The following LAMB1 variants were observed in gnomAD, a reference collection of about 807,000 sequenced individuals.
LAMB1 encodes laminin subunit beta-1.
LAMB1 carries 121 observed loss-of-function variants against 222.3 expected under a neutral mutation model. The observed-to-expected ratio is 0.54, with a 90% confidence interval of 0.47 to 0.63. The LOEUF (loss-of-function observed/expected upper bound fraction) is 0.63, where lower values mean the gene tolerates loss of function less well. LAMB1 is among the 30% of genes least tolerant of loss of function. The pLI, the probability that LAMB1 is intolerant of heterozygous loss-of-function variation, is 0.00. For synonymous variants in LAMB1, 794 were observed against 807.2 expected, an observed-to-expected ratio of 0.98 and a Z score of 0.28; for missense variants, 2,172 against 2,240.8, an observed-to-expected ratio of 0.97 and a Z score of 0.62.
chr7:107,961,709 T>C, intron 15 of LAMB1, 33 bp from the exon 16 acceptor site: 2 of 1,600,254 alleles, frequency 1.2e-6, no homozygotes, highest in Non-Finnish European at 1.7e-6. Flanking sequence ...AAAAGATAGT[T>C]AGCCCACCAC....
At chr7:107,943,517 C>T (rs893373999) in intron 24 of LAMB1, among the ~76,000 whole-genome samples, 2 of 152,168 alleles carry the variant, frequency 1.3e-5, no homozygotes, top group African/African-American at 4.8e-5. Flanking sequence ...ATTTAGTCAT[C>T]TTCCAGAAAG....
chr7:107,933,083 GC>G (rs2032751082), intron 27 of LAMB1, among the ~76,000 whole-genome samples: 1 of 152,156 alleles, frequency 6.6e-6, no homozygotes, highest in African/African-American at 2.4e-5. Flanking sequence ...ACCCCCGACT[GC>G]CATCACACAT....
intron 2 of LAMB1, 53 bp from the exon 3 acceptor site, chr7:108,001,786 C>G: frequency 6.3e-7 from 1 of 1,589,794 alleles, no homozygotes; most frequent in African/African-American, 1.4e-5. Context: ...GGAGTGGAGC[C>G]CGAAAAAAAC....
intron 17 of LAMB1, 76 bp downstream of exon 17, chr7:107,961,130 A>G: frequency 1.3e-6 from 2 of 1,584,822 alleles, no homozygotes; most frequent in East Asian, 2.2e-5. Context: ...TTACCCCTCA[A>G]CAAAACACCC....
chr7:107,932,158 C>G lies in LAMB1; in HGVS notation c.4392+16G>C. The G allele has an allele frequency of 6.2e-7, 1 of 1,612,574 alleles. No individual in the cohort carries two copies. The highest frequency in any genetic ancestry group is 8.5e-7 in the Non-Finnish European group (1 of 1,178,518). ...CAAACATACATAACAAAAACTGAGG[C>G]CATCCACTGAGTTACCATCTTGGAG... On this transcript the variant is annotated intron_variant, in intron 28 of 33. Coordinates refer to ENST00000222399, the MANE Select transcript of LAMB1 (RefSeq NM_002291.3).
chr7:107,924,268 A>G lies in LAMB1; in HGVS notation c.5186T>C (p.Leu1729Pro). 6.2e-7 allele frequency: 1 copy of G among 1,612,838 alleles called. No homozygotes were observed. The highest frequency in any genetic ancestry group is 1.1e-5 in the South Asian group (1 of 90,666). ...AEMLQNEAKTLLAQANSKLQL... is the reference protein window; with the variant it reads ...AEMLQNEAKTPLAQANSKLQL... ...CAGCTTGCTATTTGCTTGAGCTAAA[A>G]GAGTTTTTGCTTCATTTTGTAGCAT... The change falls in exon 33 of 34, where the codon CTT becomes CCT. Residue 1729 changes from leucine (L) to proline (P), a missense_variant. Physicochemically the swap from Leu to Pro is moderately conservative, Grantham distance 98 (BLOSUM62 -3). Coordinates refer to ENST00000222399, the MANE Select transcript of LAMB1 (RefSeq NM_002291.3).
At chr7:107,998,245 A>G (rs111863692) in intron 4 of LAMB1, 112 bp downstream of exon 4, 8 of 1,046,924 alleles carry the variant, frequency 7.6e-6, no homozygotes, top group African/African-American at 3.2e-5. Context: ...GTCAGAGGCC[A>G]TAATTACAGG....
At chr7:107,984,275 G>A (rs1236076186) in intron 7 of LAMB1, among the ~76,000 whole-genome samples, 3 of 152,126 alleles carry the variant, frequency 2.0e-5, no homozygotes, top group East Asian at 1.9e-4. Flanking sequence ...TTGAGACAGA[G>A]TCTTGCTCTG....
chr7:107,955,030 G>A (rs1426692542), intron 21 of LAMB1, among the ~76,000 whole-genome samples: 1 of 152,226 alleles, frequency 6.6e-6, no homozygotes, highest in Non-Finnish European at 1.5e-5. Flanking sequence ...GATAGATAAT[G>A]TGAGTATCAT....
chr7:108,002,456 G>A, intron 2 of LAMB1: 1 of 1,290,076 alleles, frequency 7.8e-7, no homozygotes, highest in Non-Finnish European at 1.0e-6. Context: ...CCAGAATGAA[G>A]CCTCCGCTCA....
At chr7:107,974,355 G>A (rs931341996) in intron 12 of LAMB1, among the ~76,000 whole-genome samples, 2 of 144,764 alleles carry the variant, frequency 1.4e-5, no homozygotes, top group African/African-American at 2.8e-5. Flanking sequence ...TATCCTGTGT[G>A]TGTTTTTTTT....
intron 29 of LAMB1, among the ~76,000 whole-genome samples, chr7:107,930,842 G>A (rs2032690919): frequency 6.6e-6 from 1 of 152,138 alleles, no homozygotes; most frequent in Non-Finnish European, 1.5e-5. Flanking sequence ...CCTGCTACTG[G>A]ATATCTTATT....
intron 29 of LAMB1, among the ~76,000 whole-genome samples, chr7:107,930,833 C>A (rs2032690685): frequency 6.6e-6 from 1 of 152,158 alleles, no homozygotes; most frequent in Non-Finnish European, 1.5e-5. Flanking sequence ...GGAAGCTATC[C>A]TGCTACTGGA....
At chr7:107,998,653 C>G (rs2150456139) in intron 3 of LAMB1, among the ~76,000 whole-genome samples, 161 bp from the exon 4 acceptor site, 1 of 152,280 alleles carries the variant, frequency 6.6e-6, no homozygotes, top group Non-Finnish European at 1.5e-5. Flanking sequence ...ACATCTTTCA[C>G]TTTTAACTTG....
intron 22 of LAMB1, 36 bp downstream of exon 22, chr7:107,953,494 A>T: frequency 1.4e-6 from 2 of 1,436,166 alleles, no homozygotes; most frequent in Non-Finnish European, 2.0e-6. Context: ...GGTGGAAGTC[A>T]TTCTAAGAAG....
chr7:107,948,801 C>T (rs1043719182), intron 24 of LAMB1, among the ~76,000 whole-genome samples: 3 of 152,098 alleles, frequency 2.0e-5, no homozygotes, highest in African/African-American at 7.2e-5. Flanking sequence ...TGTCTGCATC[C>T]CTGCTGCCCT....
At chr7:107,977,268 G>T (rs908931322) in intron 9 of LAMB1, among the ~76,000 whole-genome samples, 2 of 152,114 alleles carry the variant, frequency 1.3e-5, no homozygotes, top group Non-Finnish European at 2.9e-5. Flanking sequence ...TCTTCAAGGG[G>T]AGGACATGCA....
At chr7:107,957,616 T>C (rs938742338) in intron 20 of LAMB1, among the ~76,000 whole-genome samples, 9 of 152,334 alleles carry the variant, frequency 5.9e-5, no homozygotes, top group African/African-American at 1.4e-4. Context: ...GAAGCAGAAT[T>C]GGGCCAGGAA....
At chr7:107,931,883 T>C (rs2032719717) in intron 28 of LAMB1, among the ~76,000 whole-genome samples, 1 of 152,232 alleles carries the variant, frequency 6.6e-6, no homozygotes, top group Admixed American at 6.5e-5. Flanking sequence ...GATGTATTTA[T>C]AACCCTGGAG....
Sources: gnomAD v4.1 joint callset for allele counts (sites outside exome capture counted in the v4.1 genomes callset) on GRCh38, gnomAD v4.1.1 for gene constraint, MANE v1.5 for transcripts, NCBI Gene and HGNC (gene_info 2026-07-23, HGNC 2026-07-21) for gene names.